Variants in SPTAN1 observed in about 807,000 individuals in gnomAD.
The protein encoded by SPTAN1 is spectrin alpha, non-erythrocytic 1.
In SPTAN1, 61 loss-of-function variants were observed where a neutral mutation model predicts 331.3. The ratio of observed to expected loss-of-function variants is 0.18; its 90% CI spans 0.15 to 0.23. The LOEUF is 0.23. Among genes scored for constraint, SPTAN1 ranks in the 10% least tolerant of loss-of-function variants. The pLI is 1.00. For missense variants in SPTAN1, 2,043 were observed against 3,147.9 expected, an observed-to-expected ratio of 0.65 and a Z score of 8.40; for synonymous variants, 1,153 against 1,173.9, an observed-to-expected ratio of 0.98 and a Z score of 0.36.
intron 45 of SPTAN1, among the ~76,000 whole-genome samples, 195 bp downstream of exon 45, chr9:128,621,451 T>C (rs1281126325): frequency 6.6e-6 from 1 of 152,262 alleles, no homozygotes; most frequent in Non-Finnish European, 1.5e-5. Context: ...AAAGTTATTC[T>C]GCAGTGCTTA....
chr9:128,589,872 GC>G (rs1853242917), intron 21 of SPTAN1, among the ~76,000 whole-genome samples: 1 of 152,212 alleles, frequency 6.6e-6, no homozygotes, highest in East Asian at 1.9e-4. Context: ...ACCGCGCCTG[GC>G]CGACCTGTTG....
At position 128,577,513 on chromosome 9, in the gene SPTAN1, A is replaced by G. The variant is rs1170008689; in HGVS notation, c.1085+7A>G. The stretch of plus-strand genomic sequence containing the variant: ...GGCTCAATGATTCATACAGGTGCAA[A>G]TAATGCTCCAGGTCTTAACCAGTAT... On this transcript the variant is annotated splice_region_variant and intron_variant, in intron 8 of 56. Coordinates refer to ENST00000372739, the MANE Select transcript of SPTAN1 (RefSeq NM_001130438.3). This position sits in a 1 kb window ranked among gnomAD's most constrained non-coding sequence, Gnocchi z 4.2. The G allele has an allele frequency of 1.9e-6, 3 of 1,613,306 alleles. No individual in the cohort carries two copies. Among genetic ancestry groups the G allele is most frequent in the African/African-American group, 2.7e-5 (2 of 74,922 alleles).
rs1024267222 is a variant in SPTAN1 at position 128,589,055 on chromosome 9, A to G, written c.3006+112A>G. The G allele has an allele frequency of 4.1e-6, 6 of 1,471,696 alleles. No individual in the cohort carries two copies. The African/African-American group carries it at 4.2e-5, about 10-fold the overall frequency. 91.2% of individuals were successfully genotyped at this position (1,471,696 alleles called of 1,614,324 possible). ...CTGAAATGAGAAGGCTTAGAATTCAAAGACATGAGTTTCCTCACCAATCCC... is the reference window on the plus strand; with the variant it reads ...CTGAAATGAGAAGGCTTAGAATTCAGAGACATGAGTTTCCTCACCAATCCC... On this transcript the variant is annotated intron_variant, in intron 21 of 56. Transcript: ENST00000372739.
intron 1 of SPTAN1, among the ~76,000 whole-genome samples, chr9:128,562,976 ATATATACATGTATGTG>A (rs1157922635): frequency 2.1e-4 from 10 of 47,944 alleles, no homozygotes; most frequent in East Asian, 1.9e-3. Flanking sequence ...AAAAAAATAT[ATATATACATGTATGTG>A]TATATATATA....
Position 128,594,579 on chromosome 9 carries a change from C to T in SPTAN1, c.3414+206C>T, listed in dbSNP as rs557348808. On this transcript the variant is annotated intron_variant, in intron 24 of 56. Transcript: ENST00000372739. ...CTGAGTTGCTGGGATTACAGATGTG[C>T]GTCACCACGCCCTGCTAATTTTTGT... Among the ~76,000 whole-genome samples, 4 of 151,734 alleles carry T rather than the reference C, an allele frequency of 2.6e-5. No individual in the cohort carries two copies. In the East Asian group the frequency reaches 5.8e-4, roughly 22 times the overall value.
chr9:128,594,898 G>A (rs1302733169), intron 24 of SPTAN1, among the ~76,000 whole-genome samples: 2 of 141,512 alleles, frequency 1.4e-5, no homozygotes, highest in Non-Finnish European at 3.0e-5. Context: ...GTGCGATCTC[G>A]GCTCACTGCA....
At chr9:128,589,749 G>A (rs529904905) in intron 21 of SPTAN1, among the ~76,000 whole-genome samples, 3 of 151,458 alleles carry the variant, frequency 2.0e-5, no homozygotes, top group African/African-American at 7.3e-5. Flanking sequence ...CTAATTTTTT[G>A]TATTTTTAGT....
chr9:128,627,249 T>G lies in SPTAN1; in HGVS notation c.6577-137T>G, dbSNP rs1858910180. ...TACCAAGTGCTCTGAGCCGGCCTCA[T>G]GTCTCCCAGCCTCCTCCTCTCATCT... On this transcript the variant is annotated intron_variant, in intron 49 of 56. Transcript: ENST00000372739. This position sits in a 1 kb window ranked among gnomAD's most constrained non-coding sequence, Gnocchi z 4.9. 5.3e-6 allele frequency: 4 copies of G among 759,236 alleles called. No homozygotes were observed. Among genetic ancestry groups the G allele is most frequent in the South Asian group, 1.7e-5 (1 of 60,220 alleles). The allele number at this position is 759,236 out of a possible 1,614,324, so 47.0% of individuals were successfully genotyped here.
In SPTAN1 at chr9:128,605,390, C is replaced by T; in HGVS notation, c.3959C>T (p.Ala1320Val). ...LQEKCTELNQ[A>V]WSSLGKRADQ... ...GAAAAGTGCACAGAGTTAAACCAGG[C>T]CTGGAGCAGCCTGGGGAAACGTGCA... Residue 1320 changes from alanine (A) to valine (V), a missense_variant, in exon 31 of 57, where the codon GCC becomes GTC. Physicochemically the swap from Ala to Val is moderately conservative, Grantham distance 64. Around this residue, in one of 12 missense-constraint regions of SPTAN1, gnomAD observed 179 missense variants for 215.7 expected, o/e 0.83. Transcript: ENST00000372739. The T allele has an allele frequency of 6.2e-7, 1 of 1,614,194 alleles. No individual in the cohort carries two copies. Among genetic ancestry groups the T allele is most frequent in the Non-Finnish European group, 8.5e-7 (1 of 1,180,048 alleles).
intron 31 of SPTAN1, 124 bp from the exon 32 acceptor site, chr9:128,607,480 A>G (rs1856042679): frequency 7.0e-6 from 6 of 861,976 alleles, no homozygotes; most frequent in Non-Finnish European, 1.2e-5. Flanking sequence ...AGCCTCATTC[A>G]GTAGATCAGA....
chr9:128,611,427 G>A lies in SPTAN1; in HGVS notation c.4774-287G>A, dbSNP rs532553801. Reference sequence around the variant, plus strand: ...TGAGGCTGCAGTGAGCTGAGATTACGCCACTGCACTCCAGCCTGGGCAACT... The same window carrying A: ...TGAGGCTGCAGTGAGCTGAGATTACACCACTGCACTCCAGCCTGGGCAACT... On this transcript the variant is annotated intron_variant, in intron 37 of 56. Transcript: ENST00000372739. 8.5e-5 allele frequency among the ~76,000 whole-genome samples: 13 copies of A among 152,154 alleles called. No homozygotes were observed. In the East Asian group the frequency reaches 1.9e-3, roughly 23 times the overall value.
chr9:128,622,737 GTTTATTTATTTA>G (rs111521146), intron 45 of SPTAN1, among the ~76,000 whole-genome samples: 6 of 151,282 alleles, frequency 4.0e-5, no homozygotes, highest in Admixed American at 1.3e-4. Context: ...TTGTAGTATG[GTTTATTTATTTA>G]TTTATTTATT....
intron 10 of SPTAN1, among the ~76,000 whole-genome samples, chr9:128,580,609 T>C (rs1178290928): frequency 1.3e-5 from 2 of 152,148 alleles, no homozygotes; most frequent in Non-Finnish European, 2.9e-5. Context: ...TTATACTCCA[T>C]TAAACTCCAT....
intron 45 of SPTAN1, chr9:128,621,523 T>C (rs1482549377): frequency 9.0e-6 from 5 of 552,582 alleles, no homozygotes; most frequent in Non-Finnish European, 1.6e-5. Context: ...AGTTTATTTC[T>C]CAAGCAATAC....
chr9:128,625,165 C>A lies in SPTAN1; in HGVS notation c.6055C>A (p.Leu2019Ile), dbSNP rs796053310. The A allele has an allele frequency of 1.8e-5, 29 of 1,614,040 alleles. No homozygotes were observed. Among genetic ancestry groups the A allele is most frequent in the Non-Finnish European group, 2.4e-5 (28 of 1,180,032 alleles). The change falls in exon 47 of 57, where the codon CTC becomes ATC. Residue 2019 changes from leucine (L) to isoleucine (I), a missense_variant. Transcript: ENST00000372739. The surrounding 1 kb of genome is among the most constrained non-coding windows in gnomAD (Gnocchi z 4.1). The stretch of plus-strand genomic sequence containing the variant: ...CCGAGACCTGTCTTCTGTGCAGACG[C>A]TCCTCACCAAACAGGTCTGCCCTGG... The part of the protein sequence containing the change: ...YGRDLSSVQT[L>I]LTKQETFDAG...
chr9:128,621,324 T>TC, intron 45 of SPTAN1, 68 bp downstream of exon 45: 1 of 1,388,842 alleles, frequency 7.2e-7, no homozygotes, highest in Non-Finnish European at 1.0e-6. Context: ...ACCACAGAGG[T>TC]CCCCCAAAGT....
rs1324499870 is a variant in SPTAN1 at position 128,627,527 on chromosome 9, C to T, written c.6689+29C>T. The T allele has an allele frequency of 6.5e-7, 1 of 1,530,060 alleles. No homozygotes were observed. Among genetic ancestry groups the T allele is most frequent in the African/African-American group, 1.4e-5 (1 of 72,628 alleles). 94.8% of individuals were successfully genotyped at this position (1,530,060 alleles called of 1,614,324 possible). On this transcript the variant is annotated intron_variant, in intron 50 of 56. Transcript: ENST00000372739. This position sits in a 1 kb window ranked among gnomAD's most constrained non-coding sequence, Gnocchi z 4.9. ...CCAGCCCGCTGGGGCCGGGGAGCAG[C>T]AGCATGTCCCTGCTGTACTTAAGCC...
In SPTAN1 at chr9:128,598,024, C is replaced by T. The variant is rs763242463; in HGVS notation, c.3415-376C>T. Among the ~76,000 whole-genome samples the T allele has an allele frequency of 6.6e-5, 10 of 151,296 alleles. No homozygotes were observed. In the South Asian group the frequency reaches 1.9e-3, roughly 28 times the overall value. ...AGTGCAATGGCGCAATCTCAGCTCACCGCAACCTCTGCCTACCGGGTTCAA... is the reference window on the plus strand; with the variant it reads ...AGTGCAATGGCGCAATCTCAGCTCATCGCAACCTCTGCCTACCGGGTTCAA... On this transcript the variant is annotated intron_variant, in intron 24 of 56. Transcript: ENST00000372739.
At chr9:128,579,294 C>T (rs772423730) in intron 9 of SPTAN1, among the ~76,000 whole-genome samples, 2 of 152,106 alleles carry the variant, frequency 1.3e-5, no homozygotes, top group East Asian at 1.9e-4. Context: ...GGGAGGGACT[C>T]GCCCTACCAG....
Sources: gnomAD v4.1 joint callset for allele counts (sites outside exome capture counted in the v4.1 genomes callset) on GRCh38, gnomAD v4.1.1 for gene constraint, gnomAD v4.1.1 regional missense constraint, Gnocchi (gnomAD v3.1) non-coding constraint, MANE v1.5 for transcripts, NCBI Gene and HGNC (gene_info 2026-07-23, HGNC 2026-07-21) for gene names.